The following OCA2 variants were observed in gnomAD, a reference collection of about 807,000 sequenced individuals.
OCA2 encodes P protein.
OCA2 carries 77 observed loss-of-function variants against 100.2 expected under a neutral mutation model. The ratio of observed to expected loss-of-function variants is 0.77; its 90% CI spans 0.64 to 0.93. The LOEUF (loss-of-function observed/expected upper bound fraction) is 0.93. Among genes scored for constraint, OCA2 ranks in the 40% least tolerant of loss-of-function variants. The pLI is 0.00. For synonymous variants in OCA2, 432 were observed against 439.2 expected (o/e 0.98, Z 0.21); for missense variants, 1,062 against 1,089.1 (o/e 0.98, Z 0.35).
At chr15:27,893,275 A>G (rs1029266760) in intron 19 of OCA2, among the ~76,000 whole-genome samples, 6 of 152,202 alleles carry the variant, frequency 3.9e-5, no homozygotes, top group Non-Finnish European at 8.8e-5. Flanking sequence ...TATCTTCATA[A>G]GCTGAGGATG....
chr15:27,985,317 C>T lies in OCA2; in HGVS notation c.1240-129G>A, dbSNP rs190753975. On this transcript the variant is annotated intron_variant, in intron 12 of 23. Transcript: ENST00000354638. ...TTACCCCATGGGTTAAGACATAGAC[C>T]CACGGAGTCCTAGGGGGGCCGAGAT... The T allele has an allele frequency of 7.0e-4, 764 of 1,094,632 alleles. 4 individuals are homozygous for T. The Middle Eastern group carries it at 8.2e-3, about 12-fold the overall frequency. The allele number at this position is 1,094,632 out of a possible 1,614,324, so 67.8% of individuals were successfully genotyped here.
At position 27,793,014 on chromosome 15, in the gene OCA2, A is replaced by G. The variant is rs1013322786; in HGVS notation, c.2433-37542T>C. Among the ~76,000 whole-genome samples, 8 of 152,312 alleles carry G rather than the reference A, an allele frequency of 5.3e-5. No homozygotes were observed. The East Asian group carries it at 1.5e-3, about 29-fold the overall frequency. ...GCCATCTGGTGCCTGCAGGTCCAAC[A>G]GCTCCCGGGCTGTTTACAAAACTGG... On this transcript the variant is annotated intron_variant, in intron 23 of 23. Transcript: ENST00000354638.
intron 18 of OCA2, among the ~76,000 whole-genome samples, chr15:27,943,618 A>G (rs574907801): frequency 6.6e-6 from 1 of 150,778 alleles, no homozygotes; most frequent in South Asian, 2.1e-4. Context: ...ACGTATACAT[A>G]TGTAACTAAC....
the OCA2 span, among the ~76,000 whole-genome samples, chr15:27,741,370 A>G: frequency 5.4e-4 from 82 of 152,322 alleles, 1 homozygote; most frequent in African/African-American, 1.7e-3. Flanking sequence ...CAAGCGTCCC[A>G]AAGGCCAGAA....
rs112257220 is a variant in OCA2 at position 27,793,811 on chromosome 15, T to G, written c.2433-38339A>C. Reference sequence around the variant, plus strand: ...CTTCCTCACCCAATGACAGAGCCTTTTCCTTATTCACAATGCTGGCTTGTG... The same window carrying G: ...CTTCCTCACCCAATGACAGAGCCTTGTCCTTATTCACAATGCTGGCTTGTG... On this transcript the variant is annotated intron_variant, in intron 23 of 23. Coordinates refer to ENST00000354638, the MANE Select transcript of OCA2 (RefSeq NM_000275.3). Among the ~76,000 whole-genome samples, 937 of 152,340 alleles carry G rather than the reference T, an allele frequency of 6.2e-3. 17 individuals carry two copies. The highest frequency in any genetic ancestry group is 0.021 in the African/African-American group (873 of 41,586).
the OCA2 span, among the ~76,000 whole-genome samples, chr15:27,728,807 A>G: frequency 3.9e-5 from 6 of 152,252 alleles, no homozygotes. Context: ...TGGTCTTCCT[A>G]AGATATTTCC....
the OCA2 span, among the ~76,000 whole-genome samples, chr15:27,730,632 C>A: frequency 0.41 from 61,819 of 150,158 alleles, 13,641 homozygotes; most frequent in Non-Finnish European, 0.48. Flanking sequence ...CTAGGGTCTC[C>A]GTCACCATTT....
chr15:27,840,932 A>T (rs1439440584), intron 23 of OCA2, among the ~76,000 whole-genome samples: 1 of 152,204 alleles, frequency 6.6e-6, no homozygotes, highest in Non-Finnish European at 1.5e-5. Flanking sequence ...AATTTTTTTG[A>T]CACATTGGGC....
At chr15:28,068,285 G>A (rs991740426) in intron 2 of OCA2, among the ~76,000 whole-genome samples, 1 of 152,152 alleles carries the variant, frequency 6.6e-6, no homozygotes, top group African/African-American at 2.4e-5. Flanking sequence ...CATTACAACT[G>A]ATCCCACAGG....
At chr15:28,086,634 C>G (rs892495274) in intron 1 of OCA2, among the ~76,000 whole-genome samples, 1 of 151,972 alleles carries the variant, frequency 6.6e-6, no homozygotes, top group African/African-American at 2.4e-5. Context: ...GATGATGACA[C>G]CAAGATGATG....
At chr15:27,930,680 G>A (rs1003227545) in intron 18 of OCA2, among the ~76,000 whole-genome samples, 4 of 116,830 alleles carry the variant, frequency 3.4e-5, no homozygotes, top group Non-Finnish European at 7.8e-5. Flanking sequence ...ACAGAAAACA[G>A]GTCAGAGACT....
chr15:28,087,705 C>G (rs985250525), intron 1 of OCA2, among the ~76,000 whole-genome samples: 7 of 152,112 alleles, frequency 4.6e-5, no homozygotes, highest in Admixed American at 4.6e-4. Flanking sequence ...CAGGATTGTG[C>G]CACTGCACTC....
chr15:28,075,783 T>G (rs1003241765), intron 2 of OCA2, among the ~76,000 whole-genome samples: 2 of 152,180 alleles, frequency 1.3e-5, no homozygotes, highest in Non-Finnish European at 2.9e-5. Flanking sequence ...TTATACAAAG[T>G]AAAAGAACCA....
At chr15:27,787,966 G>C (rs1470201279) in intron 23 of OCA2, among the ~76,000 whole-genome samples, 1 of 151,538 alleles carries the variant, frequency 6.6e-6, no homozygotes, top group Non-Finnish European at 1.5e-5. Flanking sequence ...CTTTCTTTGT[G>C]TTTTCTCTTT....
chr15:27,795,726 A>G (rs1441175146), intron 23 of OCA2, among the ~76,000 whole-genome samples: 1 of 152,208 alleles, frequency 6.6e-6, no homozygotes, highest in Non-Finnish European at 1.5e-5. Context: ...CCTGCCTGGC[A>G]GCTTAACCCC....
At chr15:27,812,996 A>G (rs2034140482) in intron 23 of OCA2, among the ~76,000 whole-genome samples, 1 of 151,848 alleles carries the variant, frequency 6.6e-6, no homozygotes, top group African/African-American at 2.4e-5. Context: ...CCCCCTCCCC[A>G]GGAGGCTCCT....
intron 2 of OCA2, among the ~76,000 whole-genome samples, chr15:28,044,624 T>C (rs897970176): frequency 2.0e-5 from 3 of 152,250 alleles, no homozygotes; most frequent in Non-Finnish European, 2.9e-5. Flanking sequence ...GAAGGGGGTA[T>C]TGAAATCTCC....
At chr15:27,922,804 T>A (rs1216884667) in intron 19 of OCA2, among the ~76,000 whole-genome samples, 1 of 151,980 alleles carries the variant, frequency 6.6e-6, no homozygotes, top group Non-Finnish European at 1.5e-5. Context: ...AATAACTGGT[T>A]CAAAGGACAA....
intron 19 of OCA2, among the ~76,000 whole-genome samples, chr15:27,890,856 T>C (rs1449271703): frequency 2.6e-5 from 4 of 152,024 alleles, no homozygotes; most frequent in Non-Finnish European, 5.9e-5. Flanking sequence ...TGAAACCCTG[T>C]CTCTACTAAA....
Sources: gnomAD v4.1 joint callset for allele counts (sites outside exome capture counted in the v4.1 genomes callset) on GRCh38, gnomAD v4.1.1 for gene constraint, MANE v1.5 for transcripts, NCBI Gene and HGNC (gene_info 2026-07-23, HGNC 2026-07-21) for gene names.